EEFSEC: variants seen among roughly 807,000 people sequenced by gnomAD.
EEFSEC encodes eukaryotic elongation factor, selenocysteine-tRNA specific.
A neutral mutation model predicts 42.1 loss-of-function variants in EEFSEC; 43 were observed. The ratio of observed to expected loss-of-function variants is 1.02; its 90% CI spans 0.80 to 1.32. The LOEUF is 1.32. Ranked by LOEUF, EEFSEC falls within the 40% of genes most tolerant of loss-of-function variation. The pLI is 0.00. For missense variants in EEFSEC, 745 were observed against 803.6 expected (o/e 0.93, Z 0.88); for synonymous variants, 354 against 339.1 (o/e 1.04, Z -0.48).
chr3:128,261,608 A>G (rs1282448821), intron 2 of EEFSEC, among the ~76,000 whole-genome samples: 1 of 145,596 alleles, frequency 6.9e-6, no homozygotes, highest in Non-Finnish European at 1.5e-5. Context: ...TGGGAAAGAT[A>G]AATGTCCACA....
At chr3:128,372,340 G>A (rs2067663602) in intron 6 of EEFSEC, among the ~76,000 whole-genome samples, 1 of 152,156 alleles carries the variant, frequency 6.6e-6, no homozygotes, top group Non-Finnish European at 1.5e-5. Context: ...TGGATCTTGT[G>A]TCTGATACTC....
chr3:128,308,497 A>G (rs1322543380), intron 4 of EEFSEC, among the ~76,000 whole-genome samples: 1 of 152,222 alleles, frequency 6.6e-6, no homozygotes, highest in Admixed American at 6.5e-5. Context: ...TGCAGCTGGA[A>G]AAACTGAAGC....
chr3:128,339,426 T>A (rs1483419835), intron 4 of EEFSEC, among the ~76,000 whole-genome samples: 1 of 152,180 alleles, frequency 6.6e-6, no homozygotes, highest in African/African-American at 2.4e-5. Context: ...TGATGGCAGG[T>A]CTTCTGAAAT....
intron 2 of EEFSEC, among the ~76,000 whole-genome samples, chr3:128,252,807 G>C (rs2066201556): frequency 6.6e-6 from 1 of 152,182 alleles, no homozygotes; most frequent in Non-Finnish European, 1.5e-5. Context: ...GGCCCAGCAA[G>C]CACCGCAACA....
intron 5 of EEFSEC, among the ~76,000 whole-genome samples, chr3:128,343,377 A>G (rs930412605): frequency 4.6e-5 from 7 of 151,908 alleles, no homozygotes; most frequent in Admixed American, 1.3e-4. Context: ...CCCTGTACCT[A>G]GACCTGCCCT....
chr3:128,184,489 A>G (rs1411236937), intron 1 of EEFSEC, among the ~76,000 whole-genome samples: 1 of 152,146 alleles, frequency 6.6e-6, no homozygotes, highest in African/African-American at 2.4e-5. Flanking sequence ...ATGTTGTAGC[A>G]TGTGTCAGAA....
chr3:128,164,258 C>T (rs970260316), intron 1 of EEFSEC, among the ~76,000 whole-genome samples: 2 of 152,240 alleles, frequency 1.3e-5, no homozygotes, highest in Non-Finnish European at 1.5e-5. Context: ...ACAGTCGTGC[C>T]TGTGTTCAAG....
chr3:128,318,498 C>T (rs1447295496), intron 4 of EEFSEC, among the ~76,000 whole-genome samples: 1 of 152,214 alleles, frequency 6.6e-6, no homozygotes, highest in Non-Finnish European at 1.5e-5. Context: ...CTGCACCCTT[C>T]ACCCAGGACA....
At chr3:128,292,392 T>A (rs2066653348) in intron 4 of EEFSEC, among the ~76,000 whole-genome samples, 1 of 152,072 alleles carries the variant, frequency 6.6e-6, no homozygotes, top group Non-Finnish European at 1.5e-5. Flanking sequence ...TTAAAGTTGG[T>A]ATCACTTCTT....
rs552949313 is a variant in EEFSEC, at chr3:128,364,271, C to T, written c.1600+5898C>T. ...GTCCCAAGGTGCTTTCCCTGTGGGA[C>T]AGGCAGAGACATGAGCAGCCATTCA... On this transcript the variant is annotated intron_variant, in intron 6 of 6. Coordinates refer to ENST00000254730, the MANE Select transcript of EEFSEC (RefSeq NM_021937.5). Among the ~76,000 whole-genome samples the T allele has an allele frequency of 2.0e-5, 3 of 152,312 alleles. No homozygotes were observed. In the East Asian group the frequency reaches 5.8e-4, roughly 29 times the overall value.
chr3:128,325,984 T>C (rs191792909), intron 4 of EEFSEC, among the ~76,000 whole-genome samples: 33 of 152,352 alleles, frequency 2.2e-4, no homozygotes, highest in South Asian at 8.3e-4. Flanking sequence ...TTGGAGAGTT[T>C]CCCTGAGGTG....
intron 4 of EEFSEC, among the ~76,000 whole-genome samples, chr3:128,316,402 A>G (rs1163681671): frequency 6.6e-6 from 1 of 152,208 alleles, no homozygotes; most frequent in African/African-American, 2.4e-5. Flanking sequence ...AGCATGTAGC[A>G]GAACCATCTC....
At chr3:128,381,430 G>A (rs1369353088) in intron 6 of EEFSEC, among the ~76,000 whole-genome samples, 1 of 152,234 alleles carries the variant, frequency 6.6e-6, no homozygotes, top group African/African-American at 2.4e-5. Flanking sequence ...ACTGGCTTTG[G>A]GGGCTGGGCC....
chr3:128,250,933 A>G (rs1248608831), intron 2 of EEFSEC, among the ~76,000 whole-genome samples: 9 of 56,196 alleles, frequency 1.6e-4, no homozygotes, highest in Non-Finnish European at 2.8e-4. Flanking sequence ...TTTTTTTAGC[A>G]ATGTTTTGTA....
intron 6 of EEFSEC, among the ~76,000 whole-genome samples, chr3:128,400,212 C>T (rs533750875): frequency 6.6e-6 from 1 of 152,364 alleles, no homozygotes; most frequent in Non-Finnish European, 1.5e-5. Flanking sequence ...CACCTGTGGC[C>T]TGTGCAGGGC....
At chr3:128,353,952 T>C (rs1357778025) in intron 5 of EEFSEC, among the ~76,000 whole-genome samples, 1 of 152,112 alleles carries the variant, frequency 6.6e-6, no homozygotes, top group Non-Finnish European at 1.5e-5. Flanking sequence ...GTGCGAAGGA[T>C]TGGGAGAGTT....
At chr3:128,358,450 G>A in intron 6 of EEFSEC, 77 bp downstream of exon 6, 3 of 1,559,284 alleles carry the variant, frequency 1.9e-6, no homozygotes, top group Non-Finnish European at 2.6e-6. Context: ...TGCCAAGGTG[G>A]CGCTCCTTGG....
At chr3:128,163,590 C>T (rs767964927) in intron 1 of EEFSEC, among the ~76,000 whole-genome samples, 15 of 151,816 alleles carry the variant, frequency 9.9e-5, no homozygotes, top group Non-Finnish European at 2.1e-4. Flanking sequence ...AGTGAACACT[C>T]AGTGGTTTTC....
At chr3:128,386,768 G>A (rs1309990467) in intron 6 of EEFSEC, among the ~76,000 whole-genome samples, 1 of 152,148 alleles carries the variant, frequency 6.6e-6, no homozygotes, top group Admixed American at 6.5e-5. Context: ...TGAGGAGGAG[G>A]TGCCAGGCTC....
Sources: gnomAD v4.1 joint callset for allele counts (sites outside exome capture counted in the v4.1 genomes callset) on GRCh38, gnomAD v4.1.1 for gene constraint, MANE v1.5 for transcripts, NCBI Gene and HGNC (gene_info 2026-07-23, HGNC 2026-07-21) for gene names.